The following MAN1A1 variants were observed in gnomAD, a reference collection of about 807,000 sequenced individuals.
The protein encoded by MAN1A1 is mannosyl-oligosaccharide 1,2-alpha-mannosidase IA.
A neutral mutation model predicts 70.8 loss-of-function variants in MAN1A1; 29 were observed. The ratio of observed to expected loss-of-function variants is 0.41; its 90% CI spans 0.31 to 0.56. The LOEUF (loss-of-function observed/expected upper bound fraction) is 0.56, where lower values mean the gene tolerates loss of function less well. Among genes scored for constraint, MAN1A1 ranks in the 20% least tolerant of loss-of-function variants. The pLI is 0.29. For synonymous variants in MAN1A1, 349 were observed against 330.1 expected (o/e 1.06, Z -0.62); for missense variants, 747 against 841.3 (o/e 0.89, Z 1.39).
chr6:119,255,982 G>A (rs1344133522), intron 5 of MAN1A1, among the ~76,000 whole-genome samples: 1 of 152,054 alleles, frequency 6.6e-6, no homozygotes, highest in East Asian at 1.9e-4. Context: ...TCTCCCCTGT[G>A]ATTCAATACA....
At chr6:119,197,309 GA>G (rs564347646) in intron 8 of MAN1A1, among the ~76,000 whole-genome samples, 6,902 of 107,030 alleles carry the variant, frequency 0.064, 181 homozygotes, top group East Asian at 0.11. Context: ...CTCCAAAAAA[GA>G]AAAAAAAAAA....
At chr6:119,329,958 A>T (rs1273730222) in intron 2 of MAN1A1, among the ~76,000 whole-genome samples, 1 of 151,854 alleles carries the variant, frequency 6.6e-6, no homozygotes, top group African/African-American at 2.4e-5. Flanking sequence ...GCTGAGACTC[A>T]CTCCTTCAAA....
chr6:119,322,836 T>G (rs1236786710), intron 2 of MAN1A1, among the ~76,000 whole-genome samples: 2 of 152,212 alleles, frequency 1.3e-5, no homozygotes, highest in African/African-American at 4.8e-5. Flanking sequence ...CATTTCAAAG[T>G]AGAAGGAAGG....
At chr6:119,243,204 C>G (rs1044313719) in intron 6 of MAN1A1, among the ~76,000 whole-genome samples, 1 of 151,962 alleles carries the variant, frequency 6.6e-6, no homozygotes, top group African/African-American at 2.4e-5. Flanking sequence ...ATATTTTTGC[C>G]TCATAGAATA....
At chr6:119,346,039 G>C (rs1234642736) in intron 2 of MAN1A1, among the ~76,000 whole-genome samples, 1 of 152,146 alleles carries the variant, frequency 6.6e-6, no homozygotes, top group Non-Finnish European at 1.5e-5. Flanking sequence ...CCAGGAGGCA[G>C]AGGTTGGAGT....
intron 6 of MAN1A1, among the ~76,000 whole-genome samples, chr6:119,241,402 T>TA (rs1774999612): frequency 6.6e-6 from 1 of 152,186 alleles, no homozygotes; most frequent in South Asian, 2.1e-4. Context: ...GCTCAGTCAT[T>TA]TCTTATTACA....
At chr6:119,339,259 T>A (rs1159171736) in intron 2 of MAN1A1, among the ~76,000 whole-genome samples, 4 of 152,128 alleles carry the variant, frequency 2.6e-5, no homozygotes, top group African/African-American at 9.7e-5. Flanking sequence ...TTTCCCCTCT[T>A]AAGAATTTAA....
rs146428103 is a variant in MAN1A1 at position 119,287,444 on chromosome 6, T to C, written c.897+3239A>G. 4.9e-3 allele frequency among the ~76,000 whole-genome samples: 741 copies of C among 152,270 alleles called. 5 individuals carry two copies. Among genetic ancestry groups the C allele is most frequent in the African/African-American group, 0.017 (694 of 41,578 alleles). On this transcript the variant is annotated intron_variant, in intron 5 of 12. Transcript: ENST00000368468. ...ATGTCATATTTTACACGTTTTGCACTTGTCAATTTCAATATCATCTTTGCT... is the reference window on the plus strand; with the variant it reads ...ATGTCATATTTTACACGTTTTGCACCTGTCAATTTCAATATCATCTTTGCT...
chr6:119,290,284 TG>T (rs1776498003), intron 5 of MAN1A1, among the ~76,000 whole-genome samples: 1 of 152,052 alleles, frequency 6.6e-6, no homozygotes, highest in South Asian at 2.1e-4. Context: ...ATATCTTACT[TG>T]CCAGGCTTTA....
chr6:119,255,376 C>T (rs1259985583), intron 5 of MAN1A1, among the ~76,000 whole-genome samples: 1 of 152,156 alleles, frequency 6.6e-6, no homozygotes, highest in Admixed American at 6.5e-5. Flanking sequence ...CACAAGATGC[C>T]ATAGACACAA....
chr6:119,250,921 C>T (rs1465307167), intron 5 of MAN1A1, among the ~76,000 whole-genome samples: 1 of 152,144 alleles, frequency 6.6e-6, no homozygotes, highest in Non-Finnish European at 1.5e-5. Context: ...GGCAAACTTC[C>T]CCAGCTCTAT....
At chr6:119,337,659 G>T (rs909678744) in intron 2 of MAN1A1, among the ~76,000 whole-genome samples, 1 of 152,168 alleles carries the variant, frequency 6.6e-6, no homozygotes, top group African/African-American at 2.4e-5. Context: ...ATTACTGATG[G>T]AATACTTAAT....
rs775960394 is a variant in MAN1A1 at position 119,306,897 on chromosome 6, A to G, written c.699T>C (p.Phe233=). 3 of 1,571,966 alleles carry G rather than the reference A, an allele frequency of 1.9e-6. No individual in the cohort carries two copies. In the South Asian group the frequency reaches 3.3e-5, roughly 17 times the overall value. The part of the protein sequence containing the change: ...ISKGGHSSSL[F]GNIKGATIVD... ...AGAAACCAAAGCACATCTACTCACC[A>G]AACAAACTGCTTGAATGGCCTCCTT... Residue 233 remains phenylalanine, a splice_region_variant and synonymous_variant, in exon 3 of 13, where the codon TTT becomes TTC. Coordinates refer to ENST00000368468, the MANE Select transcript of MAN1A1 (RefSeq NM_005907.4).
At chr6:119,347,195 C>T (rs1269881881) in intron 2 of MAN1A1, among the ~76,000 whole-genome samples, 2 of 152,142 alleles carry the variant, frequency 1.3e-5, no homozygotes, top group African/African-American at 4.8e-5. Context: ...ACAGCTTAAC[C>T]AAATTCAGCT....
At chr6:119,345,531 A>G (rs1434176545) in intron 2 of MAN1A1, among the ~76,000 whole-genome samples, 1 of 152,214 alleles carries the variant, frequency 6.6e-6, no homozygotes, top group Non-Finnish European at 1.5e-5. Flanking sequence ...AGCATTTAAC[A>G]TTTTTTGTGA....
chr6:119,264,287 C>T (rs1353131429), intron 5 of MAN1A1, among the ~76,000 whole-genome samples: 1 of 152,164 alleles, frequency 6.6e-6, no homozygotes, highest in African/African-American at 2.4e-5. Context: ...TTGAGAACCA[C>T]TGAACTAGGT....
chr6:119,289,959 T>C (rs1025548500), intron 5 of MAN1A1, among the ~76,000 whole-genome samples: 12 of 151,998 alleles, frequency 7.9e-5, no homozygotes, highest in Non-Finnish European at 1.5e-4. Flanking sequence ...CATTTAACAC[T>C]GTCAACATTA....
At chr6:119,239,362 T>C (rs1774941220) in intron 6 of MAN1A1, among the ~76,000 whole-genome samples, 1 of 152,252 alleles carries the variant, frequency 6.6e-6, no homozygotes. Context: ...CATCACTTTT[T>C]TTCTCTAGTT....
At chr6:119,202,855 C>G (rs774976250) in intron 7 of MAN1A1, among the ~76,000 whole-genome samples, 2 of 152,130 alleles carry the variant, frequency 1.3e-5, no homozygotes, top group Non-Finnish European at 2.9e-5. Context: ...ACTGCATACC[C>G]CTAATTTCAT....
Sources: gnomAD v4.1 joint callset for allele counts (sites outside exome capture counted in the v4.1 genomes callset) on GRCh38, gnomAD v4.1.1 for gene constraint, MANE v1.5 for transcripts, NCBI Gene and HGNC (gene_info 2026-07-23, HGNC 2026-07-21) for gene names.